TCERG1L: variants seen among roughly 807,000 people sequenced by gnomAD.
TCERG1L encodes the protein transcription elongation regulator 1-like protein.
In TCERG1L, 37 loss-of-function variants were observed where a neutral mutation model predicts 56.3. The ratio of observed to expected loss-of-function variants is 0.66; its 90% CI spans 0.51 to 0.87. TCERG1L has a LOEUF of 0.87. Among genes scored for constraint, TCERG1L ranks in the 40% least tolerant of loss-of-function variants. The probability of loss-of-function intolerance (pLI) is 0.00; values close to 1 mark genes in which losing one functional copy is unlikely to be tolerated. For missense variants in TCERG1L, 799 were observed against 774.2 expected, an observed-to-expected ratio of 1.03 and a Z score of -0.38; for synonymous variants, 324 against 326.3, an observed-to-expected ratio of 0.99 and a Z score of 0.08.
At chr10:131,246,691 G>C (rs781113392) in intron 4 of TCERG1L, among the ~76,000 whole-genome samples, 32 of 152,088 alleles carry the variant, frequency 2.1e-4, no homozygotes, top group Non-Finnish European at 3.4e-4. Context: ...ATGACTCAGG[G>C]ATGCGGCAGA....
At chr10:131,168,720 C>T (rs1475368780) in intron 4 of TCERG1L, among the ~76,000 whole-genome samples, 3 of 152,190 alleles carry the variant, frequency 2.0e-5, no homozygotes, top group Admixed American at 2.0e-4. Flanking sequence ...GGCTGGTCTG[C>T]CCTTAGTGCC....
At chr10:131,134,132 C>T (rs941810283) in intron 8 of TCERG1L, among the ~76,000 whole-genome samples, 9 of 152,108 alleles carry the variant, frequency 5.9e-5, no homozygotes, top group South Asian at 4.1e-4. Context: ...AGCATGTGGG[C>T]GCCTGGGTAG....
intron 4 of TCERG1L, among the ~76,000 whole-genome samples, chr10:131,185,676 A>G (rs1845232845): frequency 6.6e-6 from 1 of 152,204 alleles, no homozygotes; most frequent in Admixed American, 6.5e-5. Flanking sequence ...ATGCAAAACC[A>G]AACCACAGAG....
At chr10:131,176,452 A>G (rs1484142325) in intron 4 of TCERG1L, among the ~76,000 whole-genome samples, 1 of 41,230 alleles carries the variant, frequency 2.4e-5, no homozygotes, top group South Asian at 7.3e-4. Context: ...ACGTGTACAC[A>G]CACCAAGAAA....
At chr10:131,127,930 C>A (rs1035609282) in intron 8 of TCERG1L, among the ~76,000 whole-genome samples, 2 of 152,192 alleles carry the variant, frequency 1.3e-5, no homozygotes, top group African/African-American at 2.4e-5. Context: ...CAGAGAAACA[C>A]CCCCAGGTGG....
At chr10:131,146,710 A>G in intron 6 of TCERG1L, 50 bp from the exon 7 acceptor site, 1 of 1,559,072 alleles carries the variant, frequency 6.4e-7, no homozygotes, top group Non-Finnish European at 8.7e-7. Context: ...ACACTTAATT[A>G]GAAAGTCGTT....
intron 7 of TCERG1L, among the ~76,000 whole-genome samples, chr10:131,139,376 G>A (rs1320725870): frequency 1.3e-5 from 2 of 152,212 alleles, no homozygotes; most frequent in African/African-American, 4.8e-5. Context: ...GAGGCTCTGA[G>A]GAAGTCATCA....
At chr10:131,146,835 G>T (rs373183869) in intron 6 of TCERG1L, among the ~76,000 whole-genome samples, 175 bp from the exon 7 acceptor site, 1 of 152,128 alleles carries the variant, frequency 6.6e-6, no homozygotes, top group Non-Finnish European at 1.5e-5. Context: ...GTGACCTTAC[G>T]GATCTGACTC....
chr10:131,220,019 G>A (rs1845713301), intron 4 of TCERG1L, among the ~76,000 whole-genome samples: 3 of 152,156 alleles, frequency 2.0e-5, no homozygotes, highest in African/African-American at 7.2e-5. Flanking sequence ...AACAACAAAA[G>A]AGCCAGCCTA....
intron 4 of TCERG1L, among the ~76,000 whole-genome samples, chr10:131,213,945 G>A (rs1196194565): frequency 2.6e-5 from 4 of 152,120 alleles, no homozygotes; most frequent in East Asian, 3.9e-4. Flanking sequence ...CCACAGTCCC[G>A]GCAGTTCCAG....
rs1298160687 is a variant in TCERG1L, at chr10:131,118,905, G to A, written c.1260-1971C>T. On this transcript the variant is annotated intron_variant, in intron 8 of 11. Coordinates refer to ENST00000368642, the MANE Select transcript of TCERG1L (RefSeq NM_174937.4). The surrounding 1 kb of genome is among the most constrained non-coding windows in gnomAD (Gnocchi z 4.2). ...GGAAACATTTGTGGCTGCCACAACT[G>A]GGGAGATGTTACCAGCACCTGGGAG... is the stretch of plus-strand genomic sequence containing the variant. Among the ~76,000 whole-genome samples the A allele has an allele frequency of 6.6e-6, 1 of 152,154 alleles. No individual in the cohort carries two copies. Among genetic ancestry groups the A allele is most frequent in the African/African-American group, 2.4e-5 (1 of 41,434 alleles).
chr10:131,188,689 A>G (rs902772815), intron 4 of TCERG1L, among the ~76,000 whole-genome samples: 1 of 152,222 alleles, frequency 6.6e-6, no homozygotes. Context: ...GTATCTACAC[A>G]TGGGCCATGA....
intron 8 of TCERG1L, among the ~76,000 whole-genome samples, chr10:131,117,248 C>T (rs1471308480): frequency 6.6e-6 from 1 of 152,208 alleles, no homozygotes; most frequent in African/African-American, 2.4e-5. Flanking sequence ...GGCAGGCCCT[C>T]ACTCCAGGTC....
chr10:131,148,489 CATA>C (rs1488221472), intron 6 of TCERG1L, among the ~76,000 whole-genome samples: 1 of 151,894 alleles, frequency 6.6e-6, no homozygotes, highest in East Asian at 1.9e-4. Context: ...CACATGCACA[CATA>C]TATACACACA....
At chr10:131,101,672 A>G (rs1845305396) in intron 10 of TCERG1L, among the ~76,000 whole-genome samples, 1 of 152,008 alleles carries the variant, frequency 6.6e-6, no homozygotes, top group East Asian at 1.9e-4. Flanking sequence ...ATAAAATCAC[A>G]GGCTCCTTGT....
chr10:131,246,584 TCTC>T (rs1169339580), intron 4 of TCERG1L, among the ~76,000 whole-genome samples: 3 of 150,002 alleles, frequency 2.0e-5, no homozygotes, highest in African/African-American at 4.9e-5. Context: ...GGCTTGTGAA[TCTC>T]CTCCTCTCCC....
At chr10:131,300,296 C>T (rs1846747004) in intron 3 of TCERG1L, among the ~76,000 whole-genome samples, 1 of 152,060 alleles carries the variant, frequency 6.6e-6, no homozygotes, top group Non-Finnish European at 1.5e-5. Flanking sequence ...TTTTTATTTC[C>T]TTTGTTCATT....
At chr10:131,266,090 A>G (rs578091029) in intron 3 of TCERG1L, among the ~76,000 whole-genome samples, 6 of 152,342 alleles carry the variant, frequency 3.9e-5, no homozygotes, top group African/African-American at 1.4e-4. Context: ...AATGTTTACA[A>G]CATCTTCACC....
intron 4 of TCERG1L, among the ~76,000 whole-genome samples, chr10:131,239,377 C>T (rs1422866984): frequency 1.3e-5 from 2 of 152,168 alleles, no homozygotes; most frequent in Admixed American, 6.5e-5. Context: ...GAAAAGTCAG[C>T]ATATATCTTA....
Sources: allele counts gnomAD v4.1 joint callset (sites outside exome capture counted in the v4.1 genomes callset), GRCh38; gene constraint gnomAD v4.1.1; non-coding constraint Gnocchi (gnomAD v3.1); transcripts MANE v1.5; gene names NCBI Gene and HGNC (gene_info 2026-07-23, HGNC 2026-07-21).